Variants in TANK observed in about 807,000 individuals in gnomAD.
TANK encodes TRAF family member associated NFKB activator.
TANK carries 15 observed loss-of-function variants against 43.6 expected under a neutral mutation model. That is an observed-to-expected ratio of 0.34 (90% CI 0.23 to 0.53). The LOEUF is 0.53. Among genes scored for constraint, TANK ranks in the 20% least tolerant of loss-of-function variants. The pLI, the probability that TANK is intolerant of heterozygous loss-of-function variation, is 0.94. For missense variants in TANK, 417 were observed against 498.6 expected (o/e 0.84, Z 1.56); for synonymous variants, 162 against 178.2 (o/e 0.91, Z 0.73).
intron 1 of TANK, among the ~76,000 whole-genome samples, chr2:161,169,938 T>C (rs1480260927): frequency 6.6e-6 from 1 of 152,220 alleles, no homozygotes; most frequent in Non-Finnish European, 1.5e-5. Flanking sequence ...GTAAAGCACC[T>C]GCAAATAGAT....
intron 4 of TANK, among the ~76,000 whole-genome samples, chr2:161,214,842 A>T (rs1687048984): frequency 6.6e-6 from 1 of 152,208 alleles, no homozygotes; most frequent in Non-Finnish European, 1.5e-5. Context: ...AGCGAAGAAC[A>T]TCTTATTTTC....
chr2:161,167,539 C>T lies in TANK; in HGVS notation c.-50+7053C>T, dbSNP rs1403824902. 2.0e-5 allele frequency among the ~76,000 whole-genome samples: 3 copies of T among 152,158 alleles called. No homozygotes were observed. The East Asian group carries it at 5.8e-4, about 29-fold the overall frequency. The stretch of plus-strand genomic sequence containing the variant: ...AATTTATTTGGGTAAAGGTTGACGA[C>T]AGCTGCCTTGGACACACTTCCAGGT... On this transcript the variant is annotated intron_variant, in intron 1 of 7. Transcript: ENST00000392749.
intron 1 of TANK, among the ~76,000 whole-genome samples, chr2:161,150,369 T>G (rs1684039075): frequency 6.6e-6 from 1 of 152,054 alleles, no homozygotes; most frequent in Non-Finnish European, 1.5e-5. Context: ...TTCTTCCTCT[T>G]TTTCTTATCG....
At chr2:161,141,039 AT>A (rs910468831) in intron 1 of TANK, among the ~76,000 whole-genome samples, 1 of 152,014 alleles carries the variant, frequency 6.6e-6, no homozygotes, top group South Asian at 2.1e-4. Flanking sequence ...GGGTTTTCTT[AT>A]TTTTTCCCTT....
chr2:161,234,419 A>T (rs912382417), intron 7 of TANK, among the ~76,000 whole-genome samples: 6 of 152,230 alleles, frequency 3.9e-5, no homozygotes, highest in Non-Finnish European at 8.8e-5. Flanking sequence ...AAGAAATTTT[A>T]AAAAATAATT....
chr2:161,202,633 A>G (rs1686472291), intron 2 of TANK, among the ~76,000 whole-genome samples: 1 of 152,054 alleles, frequency 6.6e-6, no homozygotes, highest in Non-Finnish European at 1.5e-5. Flanking sequence ...TTAGAACTTC[A>G]TTTTCATTTT....
At chr2:161,160,117 T>TTATTTATTTACC (rs1684337726), upstream of TANK, 1 of 305,024 alleles carries the variant, frequency 3.3e-6, no homozygotes, top group Non-Finnish European at 6.0e-6. Flanking sequence ...ATTTATTTAC[T>TTATTTATTTACC]GGTTATTTAT....
At chr2:161,215,798 T>C (rs1687091181) in intron 4 of TANK, among the ~76,000 whole-genome samples, 1 of 152,200 alleles carries the variant, frequency 6.6e-6, no homozygotes, top group Non-Finnish European at 1.5e-5. Context: ...CTATACACTC[T>C]GAGCTTCTCT....
At chr2:161,161,443 A>G (rs774144684) in intron 1 of TANK, 53 of 1,550,170 alleles carry the variant, frequency 3.4e-5, no homozygotes, top group Non-Finnish European at 4.5e-5. Context: ...GCATTCTGTT[A>G]AAAATTATTG....
chr2:161,200,363 G>A (rs1378574201), intron 2 of TANK: 1 of 984,406 alleles, frequency 1.0e-6, no homozygotes, highest in Admixed American at 6.2e-5. Context: ...GACTTTTCTG[G>A]TTTTAAGTTT....
chr2:161,216,995 T>A (rs143024865), intron 4 of TANK, among the ~76,000 whole-genome samples: 2 of 152,228 alleles, frequency 1.3e-5, no homozygotes, highest in Non-Finnish European at 2.9e-5. Context: ...CTGTAAACAT[T>A]TGTATACAGG....
chr2:161,211,762 A>G lies in TANK; in HGVS notation c.327+6969A>G, dbSNP rs139258972. On this transcript the variant is annotated intron_variant, in intron 4 of 7. Transcript: ENST00000392749. The stretch of plus-strand genomic sequence containing the variant: ...AAATGGTGATTATGCACACTGTACA[A>G]TGGCACAGGCCAATGTAGGCTGGGG... 339 of 985,292 alleles carry G rather than the reference A, an allele frequency of 3.4e-4. 1 individual carries two copies. The African/African-American group carries it at 5.4e-3, about 16-fold the overall frequency. The allele number at this position is 985,292 out of a possible 1,614,324, so 61.0% of individuals were successfully genotyped here. A position where few individuals can be genotyped will look rare whatever the true frequency, so the allele number is the denominator to read the frequency against.
intron 7 of TANK, among the ~76,000 whole-genome samples, chr2:161,233,111 C>T (rs887829189): frequency 3.3e-5 from 5 of 152,204 alleles, no homozygotes; most frequent in African/African-American, 4.8e-5. Context: ...GGGCCAGGTA[C>T]GGTGGTTCAT....
At chr2:161,179,414 A>G in intron 1 of TANK, 200 bp from the exon 2 acceptor site, 1 of 444,570 alleles carries the variant, frequency 2.2e-6, no homozygotes, top group Non-Finnish European at 3.8e-6. Flanking sequence ...CTCCTTGAAC[A>G]TTAGAATAAG....
At chr2:161,207,582 T>A (rs2105351893) in intron 4 of TANK, 1 of 985,002 alleles carries the variant, frequency 1.0e-6, no homozygotes, top group African/African-American at 1.7e-5. Flanking sequence ...TATTGAATAT[T>A]TGAGAGTTGG....
intron 1 of TANK, among the ~76,000 whole-genome samples, chr2:161,176,541 T>G (rs943463993): frequency 3.9e-5 from 6 of 152,166 alleles, no homozygotes; most frequent in Non-Finnish European, 8.8e-5. Flanking sequence ...ATGATTTACT[T>G]GCATATGATG....
chr2:161,164,809 C>T (rs1684600435), intron 1 of TANK, among the ~76,000 whole-genome samples: 1 of 152,048 alleles, frequency 6.6e-6, no homozygotes, highest in East Asian at 1.9e-4. Flanking sequence ...TAAGTGCATT[C>T]ACATTGCTAT....
In TANK at chr2:161,217,585, TTGTGTGTG is replaced by T. The variant is rs375688309; in HGVS notation, c.328-6292_328-6285del. On this transcript the variant is annotated intron_variant, in intron 4 of 7. Transcript: ENST00000392749. ...TCTTCAGTGTTTTCAGGTAGTTGGT[TTGTGTGTG>T]TGTGTGTGTGTGTGTGTGTGTGTGT... 5.8e-4 allele frequency among the ~76,000 whole-genome samples: 79 copies of T among 136,642 alleles called. 1 individual carries two copies. Among genetic ancestry groups the T allele is most frequent in the African/African-American group, 1.5e-3 (55 of 36,176 alleles). The allele number at this position is 136,642 out of a possible 152,430, so 89.6% of individuals were successfully genotyped here. A position where few individuals can be genotyped will look rare whatever the true frequency, so the allele number is the denominator to read the frequency against.
intron 3 of TANK, 74 bp from the exon 4 acceptor site, chr2:161,204,601 T>G (rs1047278683): frequency 1.2e-5 from 16 of 1,379,344 alleles, no homozygotes; most frequent in Non-Finnish European, 1.6e-5. Flanking sequence ...TGAGTTTGTA[T>G]TATTTTTTGC....
Sources: gnomAD v4.1 joint callset for allele counts (sites outside exome capture counted in the v4.1 genomes callset) on GRCh38, gnomAD v4.1.1 for gene constraint, MANE v1.5 for transcripts, NCBI Gene and HGNC (gene_info 2026-07-23, HGNC 2026-07-21) for gene names.